STYXL2: variants seen among roughly 807,000 people sequenced by gnomAD.
STYXL2 encodes the protein serine/threonine/tyrosine interacting like 2, also known as serine/threonine/tyrosine-interacting-like protein 2.
STYXL2 carries 44 observed loss-of-function variants against 52.4 expected under a neutral mutation model. The observed-to-expected ratio is 0.84, with a 90% CI of 0.66 to 1.08. STYXL2 has a LOEUF of 1.08. STYXL2 is among the 50% of genes least tolerant of loss of function. STYXL2 has a pLI of 0.00. For missense variants in STYXL2, 1,604 were observed against 1,471.7 expected (o/e 1.09, Z -1.47); for synonymous variants, 604 against 586.9 (o/e 1.03, Z -0.42).
chr1:167,127,562 AGTTGCAG>A lies in STYXL2; in HGVS notation c.2432_2438del (p.Ser811LysfsTer4). ...CACCACACTGAGCTCACCCGCGGAAAGTTGCAGAAGCAAAGTGAGGGGGACCAGCAAG... is the reference window on the plus strand; with the variant it reads ...CACCACACTGAGCTCACCCGCGGAAAAAGCAAAGTGAGGGGGACCAGCAAG... On this transcript the variant is annotated frameshift_variant, in exon 6 of 6. Coordinates refer to ENST00000361200, the MANE Select transcript of STYXL2 (RefSeq NM_001080426.3). LOFTEE classifies it high-confidence loss of function. The A allele has an allele frequency of 1.2e-6, 2 of 1,614,114 alleles. No homozygotes were observed. The highest frequency in any genetic ancestry group is 1.7e-6 in the Non-Finnish European group (2 of 1,180,000).
chr1:167,113,689 G>T, intron 2 of STYXL2, 21 bp from the exon 3 acceptor site: 1 of 1,576,214 alleles, frequency 6.3e-7, no homozygotes, highest in South Asian at 1.1e-5. Context: ...CTTATCTCAC[G>T]TGAATATCCT....
intron 2 of STYXL2, among the ~76,000 whole-genome samples, chr1:167,098,193 G>T (rs1182374220): frequency 1.3e-5 from 2 of 151,884 alleles, no homozygotes; most frequent in Non-Finnish European, 2.9e-5. Flanking sequence ...TGTATTTTTA[G>T]TAGAGACGGG....
At chr1:167,117,612 T>C in intron 4 of STYXL2, 53 bp downstream of exon 4, 1 of 1,483,034 alleles carries the variant, frequency 6.7e-7, no homozygotes. Context: ...GGTTAGTGCC[T>C]GAGACAGACG....
In STYXL2 at chr1:167,127,685, T is replaced by C. The variant is rs1352408113; in HGVS notation, c.2554T>C (p.Ser852Pro). Residue 852 changes from serine to proline, a missense_variant, in exon 6 of 6, where the codon TCT becomes CCT. Coordinates refer to ENST00000361200, the MANE Select transcript of STYXL2 (RefSeq NM_001080426.3). Reference protein sequence around the residue: ...EMQMELREKMSEYKMEKLASD... With the variant: ...EMQMELREKMPEYKMEKLASD... ...GCAGATGGAGCTTAGGGAGAAGATG[T>C]CTGAGTACAAAATGGAAAAGCTGGC... 1 of 1,614,002 alleles carries C rather than the reference T, an allele frequency of 6.2e-7. No individual in the cohort carries two copies. The highest frequency in any genetic ancestry group is 2.2e-5 in the East Asian group (1 of 44,874).
intron 4 of STYXL2, among the ~76,000 whole-genome samples, chr1:167,117,849 G>T (rs1363033343): frequency 6.6e-6 from 1 of 152,184 alleles, no homozygotes; most frequent in African/African-American, 2.4e-5. Context: ...GAGTCTTGCC[G>T]ACTTCACCAT....
rs753740587 is a variant in STYXL2 at position 167,125,994 on chromosome 1, G to C, written c.863G>C (p.Arg288Pro). Reference protein sequence around the residue: ...LMEEREEDYGREGGSAEAEEG... With the variant: ...LMEEREEDYGPEGGSAEAEEG... ...GAGGAGAGAGAAGAGGACTATGGCC[G>C]GGAGGGGGGATCAGCTGAGGCTGAG... Residue 288 changes from arginine to proline, a missense_variant, in exon 6 of 6, where the codon CGG becomes CCG. Transcript: ENST00000361200. 8 of 1,611,136 alleles carry C rather than the reference G, an allele frequency of 5.0e-6. No individual in the cohort carries two copies. The highest frequency in any genetic ancestry group is 6.8e-6 in the Non-Finnish European group (8 of 1,178,724).
intron 2 of STYXL2, among the ~76,000 whole-genome samples, chr1:167,098,247 T>C (rs1667334384): frequency 6.6e-6 from 1 of 152,058 alleles, no homozygotes; most frequent in Admixed American, 6.5e-5. Flanking sequence ...CTTGACCTTG[T>C]GATCCCTCTG....
At chr1:167,113,431 C>G (rs1247129950) in intron 2 of STYXL2, among the ~76,000 whole-genome samples, 1 of 152,198 alleles carries the variant, frequency 6.6e-6, no homozygotes, top group Non-Finnish European at 1.5e-5. Flanking sequence ...TGGGTTCCCC[C>G]AAGCGTAGAT....
chr1:167,120,734 G>A (rs932552751), intron 5 of STYXL2, among the ~76,000 whole-genome samples: 11 of 150,442 alleles, frequency 7.3e-5, no homozygotes, highest in South Asian at 4.2e-4. Flanking sequence ...CTCCCACCTC[G>A]GCCTCCCAAA....
chr1:167,120,996 TTTTTCAATGCTTAAAAACTCC>T lies in STYXL2; in HGVS notation c.655+1535_655+1555del, dbSNP rs1215327020. On this transcript the variant is annotated intron_variant, in intron 5 of 5. Transcript: ENST00000361200. Reference sequence around the variant, plus strand: ...TATATACAGTTTTCAGTTTTCTCCTTTTTTCAATGCTTAAAAACTCCTTTTTTTTTTTTAGGCGGAGTCTCG... The same window carrying T: ...TATATACAGTTTTCAGTTTTCTCCTTTTTTTTTTTTTTAGGCGGAGTCTCG... Among the ~76,000 whole-genome samples the T allele has an allele frequency of 6.2e-5, 9 of 145,698 alleles. No homozygotes were observed. The East Asian group carries it at 1.9e-3, about 30-fold the overall frequency.
intron 5 of STYXL2, among the ~76,000 whole-genome samples, chr1:167,120,863 T>C (rs1225168356): frequency 7.7e-4 from 12 of 15,672 alleles, no homozygotes; most frequent in African/African-American, 2.2e-3. Context: ...TATATATATA[T>C]ATATATATAT....
Position 167,127,747 on chromosome 1 carries a change from G to C in STYXL2, c.2616G>C (p.Lys872Asn). 3 of 1,614,030 alleles carry C rather than the reference G, an allele frequency of 1.9e-6. No homozygotes were observed. Among genetic ancestry groups the C allele is most frequent in the Non-Finnish European group, 2.5e-6 (3 of 1,180,010 alleles). ...AACGCAGCTCCCTCTTCAAGAAGAAGAAGGTCAAGGAAGATGAGGATGATG... is the reference window on the plus strand; with the variant it reads ...AACGCAGCTCCCTCTTCAAGAAGAACAAGGTCAAGGAAGATGAGGATGATG... ...DNKRSSLFKK[K>N]KVKEDEDDGV... Residue 872 changes from lysine (K) to asparagine (N), a missense_variant, in exon 6 of 6, where the codon AAG becomes AAC. By Grantham distance (94) the Lys-to-Asn change is moderately conservative. Transcript: ENST00000361200.
At chr1:167,113,167 T>G (rs1007086817) in intron 2 of STYXL2, among the ~76,000 whole-genome samples, 5 of 152,174 alleles carry the variant, frequency 3.3e-5, no homozygotes, top group Admixed American at 3.3e-4. Context: ...ACCCGTGCAT[T>G]TGAGTTCATC....
intron 2 of STYXL2, among the ~76,000 whole-genome samples, chr1:167,105,241 T>G (rs906312730): frequency 4.6e-5 from 7 of 150,576 alleles, no homozygotes; most frequent in Non-Finnish European, 8.8e-5. Flanking sequence ...TTATGATACA[T>G]GGATTGGTCA....
chr1:167,126,561 G>C lies in STYXL2; in HGVS notation c.1430G>C (p.Trp477Ser). ...RADSMSSEST[W>S]DAWNERLLEI... ...GACTCGATGTCCTCGGAGAGCACCT[G>C]GGACGCATGGAACGAGAGGCTGCTG... is the stretch of plus-strand genomic sequence containing the variant. The change falls in exon 6 of 6, where the codon TGG (tryptophan) becomes TCG (serine). Residue 477 changes from tryptophan to serine, a missense_variant. Transcript: ENST00000361200. 1 of 1,613,994 alleles carries C rather than the reference G, an allele frequency of 6.2e-7. No individual in the cohort carries two copies. The highest frequency in any genetic ancestry group is 8.5e-7 in the Non-Finnish European group (1 of 1,179,984).
intron 2 of STYXL2, among the ~76,000 whole-genome samples, chr1:167,101,807 G>GAA (rs796470472): frequency 7.0e-6 from 1 of 143,492 alleles, no homozygotes; most frequent in African/African-American, 2.6e-5. Context: ...TCTCAAAAAA[G>GAA]AAAAAAAAAA....
intron 5 of STYXL2, among the ~76,000 whole-genome samples, chr1:167,121,447 G>A (rs919598243): frequency 6.6e-5 from 10 of 152,270 alleles, no homozygotes; most frequent in African/African-American, 2.4e-4. Flanking sequence ...TCGAGGCGGA[G>A]CGGGTACGCT....
In STYXL2 at chr1:167,094,920, C is replaced by A. The variant is rs199800806; in HGVS notation, c.71C>A (p.Ala24Glu). ...GAGGAGGACGAAGCCAACGTGAGGG[C>A]GGTGCAGGCCCACTACCTCCGAAGC... is the stretch of plus-strand genomic sequence containing the variant. Reference protein sequence around the residue: ...PSEEDEANVRAVQAHYLRSPS... With the variant: ...PSEEDEANVREVQAHYLRSPS... The change falls in exon 2 of 6, where the codon GCG becomes GAG. Residue 24 changes from alanine (A) to glutamate (E), a missense_variant. By Grantham distance (107) the Ala-to-Glu change is moderately radical. Transcript: ENST00000361200. 1.2e-6 allele frequency: 2 copies of A among 1,611,580 alleles called. No individual in the cohort carries two copies. The highest frequency in any genetic ancestry group is 1.7e-6 in the Non-Finnish European group (2 of 1,179,210).
At chr1:167,103,936 A>G (rs1667454088) in intron 2 of STYXL2, among the ~76,000 whole-genome samples, 1 of 152,100 alleles carries the variant, frequency 6.6e-6, no homozygotes, top group African/African-American at 2.4e-5. Context: ...CCTGGCTAAC[A>G]CGGTGAAACC....
Sources: allele counts gnomAD v4.1 joint callset (sites outside exome capture counted in the v4.1 genomes callset), GRCh38; gene constraint gnomAD v4.1.1; transcripts MANE v1.5; gene names NCBI Gene and HGNC (gene_info 2026-07-23, HGNC 2026-07-21).